Variants in MGAT5 observed in about 807,000 individuals in gnomAD.
MGAT5 encodes alpha-1,6-mannosylglycoprotein 6-beta-N-acetylglucosaminyltransferase A.
MGAT5 carries 30 observed loss-of-function variants against 94.3 expected under a neutral mutation model. The observed-to-expected ratio is 0.32, with a 90% CI of 0.24 to 0.43. The LOEUF is 0.43. Among genes scored for constraint, MGAT5 ranks in the 20% least tolerant of loss-of-function variants. The pLI, the probability that MGAT5 is intolerant of heterozygous loss-of-function variation, is 1.00. For missense variants in MGAT5, 691 were observed against 905.5 expected (o/e 0.76, Z 3.04); for synonymous variants, 310 against 322.9 (o/e 0.96, Z 0.43).
chr2:134,440,776 A>T lies in MGAT5; in HGVS notation c.1870-982A>T, dbSNP rs185062181. Among the ~76,000 whole-genome samples, 16 of 152,282 alleles carry T rather than the reference A, an allele frequency of 1.1e-4. No individual in the cohort carries two copies. The East Asian group carries it at 3.1e-3, about 29-fold the overall frequency. On this transcript the variant is annotated intron_variant, in intron 14 of 15. Transcript: ENST00000281923. Reference sequence around the variant, plus strand: ...GATTGATAGTGAATTATGAGGTGGGAGGAGGCACTTCTTACGATTTTCACT... The same window carrying T: ...GATTGATAGTGAATTATGAGGTGGGTGGAGGCACTTCTTACGATTTTCACT...
chr2:134,248,358 G>A (rs986515496), intron 1 of MGAT5, among the ~76,000 whole-genome samples: 9 of 152,322 alleles, frequency 5.9e-5, no homozygotes, highest in South Asian at 4.1e-4. Flanking sequence ...GAGATGAAAC[G>A]GGATTGTCCT....
At chr2:134,353,888 A>C (rs896189008) in intron 9 of MGAT5, among the ~76,000 whole-genome samples, 6 of 152,056 alleles carry the variant, frequency 3.9e-5, no homozygotes, top group African/African-American at 1.4e-4. Flanking sequence ...AAAATTTGCA[A>C]CAACAAAAAA....
At chr2:134,440,929 A>C (rs960407877) in intron 14 of MGAT5, among the ~76,000 whole-genome samples, 4 of 152,222 alleles carry the variant, frequency 2.6e-5, no homozygotes, top group African/African-American at 9.7e-5. Context: ...TGTATAGCTC[A>C]CATTTGTTTC....
intron 14 of MGAT5, among the ~76,000 whole-genome samples, chr2:134,438,371 G>A (rs962608360): frequency 6.6e-6 from 1 of 152,148 alleles, no homozygotes; most frequent in African/African-American, 2.4e-5. Context: ...AAAGTTGCTT[G>A]CATTAGCCAA....
chr2:134,289,856 G>A (rs1685239994), intron 2 of MGAT5, among the ~76,000 whole-genome samples: 1 of 152,144 alleles, frequency 6.6e-6, no homozygotes, highest in Non-Finnish European at 1.5e-5. Context: ...CGCTGGGAGA[G>A]GATTCTTGGA....
In MGAT5 at chr2:134,156,985, G is replaced by C. The variant is rs189137987; in HGVS notation, c.-143+36694G>C. ...ATGATGATATCTAGGTAAGCTTATGGTGTAGGGATTAAGCAGAGCCTCCAG... is the reference window on the plus strand; with the variant it reads ...ATGATGATATCTAGGTAAGCTTATGCTGTAGGGATTAAGCAGAGCCTCCAG... On this transcript the variant is annotated intron_variant, in intron 1 of 16. Coordinates refer to the MGAT5 transcript ENST00000409645. Among the ~76,000 whole-genome samples, 97 of 152,274 alleles carry C rather than the reference G, an allele frequency of 6.4e-4. 1 individual carries two copies. Among genetic ancestry groups the C allele is most frequent in the Admixed American group, 5.6e-3 (86 of 15,298 alleles).
intron 1 of MGAT5, among the ~76,000 whole-genome samples, chr2:134,152,085 CTCATCCCCTCT>C (rs1687228721): frequency 2.7e-5 from 4 of 146,240 alleles, no homozygotes; most frequent in East Asian, 2.1e-4. Context: ...ACCTCACTCA[CTCATCCCCTCT>C]GGGACCCGCC....
intron 2 of MGAT5, among the ~76,000 whole-genome samples, chr2:134,296,554 T>C (rs1046943837): frequency 2.6e-5 from 4 of 152,170 alleles, no homozygotes; most frequent in African/African-American, 9.6e-5. Context: ...GAATTAATTA[T>C]AGTACTTGAA....
chr2:134,241,536 T>C (rs1255491540), intron 1 of MGAT5, among the ~76,000 whole-genome samples: 1 of 152,190 alleles, frequency 6.6e-6, no homozygotes, highest in Non-Finnish European at 1.5e-5. Context: ...AATTATACTT[T>C]TTTACCGACA....
At chr2:134,432,340 G>A (rs1684930676) in intron 14 of MGAT5, among the ~76,000 whole-genome samples, 1 of 152,140 alleles carries the variant, frequency 6.6e-6, no homozygotes, top group Admixed American at 6.5e-5. Flanking sequence ...TGGAGAGAGG[G>A]AGGGTAAAAA....
At chr2:134,357,378 A>G (rs995382108) in intron 9 of MGAT5, among the ~76,000 whole-genome samples, 3 of 152,192 alleles carry the variant, frequency 2.0e-5, no homozygotes, top group African/African-American at 7.2e-5. Flanking sequence ...TGGGGCTCAC[A>G]GCCATTTTTA....
At chr2:134,383,052 A>T (rs944789716) in intron 10 of MGAT5, among the ~76,000 whole-genome samples, 1 of 152,250 alleles carries the variant, frequency 6.6e-6, no homozygotes, top group South Asian at 2.1e-4. Context: ...GGGGTAGTCA[A>T]GGTACCAGTA....
intron 2 of MGAT5, among the ~76,000 whole-genome samples, chr2:134,291,907 G>A (rs927102993): frequency 1.3e-5 from 2 of 152,046 alleles, no homozygotes; most frequent in Non-Finnish European, 1.5e-5. Context: ...CCTTTATATC[G>A]GCAGTCATAG....
intron 14 of MGAT5, 134 bp from the exon 15 acceptor site, chr2:134,441,624 C>G (rs976091205): frequency 5.0e-5 from 52 of 1,048,288 alleles, no homozygotes; most frequent in Admixed American, 7.0e-5. Context: ...TCCAGCCCAT[C>G]CATGTGGCTC....
intron 1 of MGAT5, among the ~76,000 whole-genome samples, chr2:134,153,690 G>A (rs541377610): frequency 6.6e-6 from 1 of 152,204 alleles, no homozygotes; most frequent in South Asian, 2.1e-4. Flanking sequence ...GGAGTTTTCT[G>A]TATTGCCTGC....
At chr2:134,144,293 C>G (rs114357269) in intron 1 of MGAT5, among the ~76,000 whole-genome samples, 2,542 of 152,266 alleles carry the variant, frequency 0.017, 81 homozygotes, top group African/African-American at 0.059. Context: ...CAAGGAAACT[C>G]ACCATCATGG....
chr2:134,445,826 A>C (rs1037371727), intron 15 of MGAT5, among the ~76,000 whole-genome samples: 2 of 152,172 alleles, frequency 1.3e-5, no homozygotes, highest in Admixed American at 6.5e-5. Context: ...CTGGAAAGGC[A>C]GGGACCCCCT....
intron 13 of MGAT5, among the ~76,000 whole-genome samples, chr2:134,424,981 G>T (rs1405995918): frequency 7.2e-5 from 11 of 152,328 alleles, no homozygotes; most frequent in Non-Finnish European, 1.6e-4. Flanking sequence ...TTCCAAATAA[G>T]ATCACATTCA....
chr2:134,328,376 A>C (rs1256552542), intron 4 of MGAT5, among the ~76,000 whole-genome samples: 1 of 151,980 alleles, frequency 6.6e-6, no homozygotes, highest in Non-Finnish European at 1.5e-5. Flanking sequence ...GGAAACACAC[A>C]AGACCTGATT....
Sources: allele counts gnomAD v4.1 joint callset (sites outside exome capture counted in the v4.1 genomes callset), GRCh38; gene constraint gnomAD v4.1.1; transcripts MANE v1.5; gene names NCBI Gene and HGNC (gene_info 2026-07-23, HGNC 2026-07-21).